TUT4: variants seen among roughly 807,000 people sequenced by gnomAD.
TUT4 encodes terminal uridylyltransferase 4.
In TUT4, 36 loss-of-function variants were observed where a neutral mutation model predicts 192.2. The observed-to-expected ratio is 0.19, with a 90% CI of 0.14 to 0.25. TUT4 has a LOEUF of 0.25. Among genes scored for constraint, TUT4 ranks in the 10% least tolerant of loss-of-function variants. The pLI is 1.00. For synonymous variants in TUT4, 618 were observed against 666.0 expected (o/e 0.93, Z 1.11); for missense variants, 1,493 against 1,957.2 (o/e 0.76, Z 4.47).
At chr1:52,476,449 T>C (rs1015649016) in intron 12 of TUT4, among the ~76,000 whole-genome samples, 6 of 152,102 alleles carry the variant, frequency 3.9e-5, no homozygotes, top group African/African-American at 1.4e-4. Context: ...GCCTTAAATA[T>C]AGATAACCCC....
intron 4 of TUT4, among the ~76,000 whole-genome samples, chr1:52,505,255 T>C (rs775931435): frequency 1.2e-4 from 18 of 152,104 alleles, no homozygotes; most frequent in Non-Finnish European, 2.4e-4. Flanking sequence ...ATGATAACTG[T>C]TAGTTTTTTG....
intron 19 of TUT4, among the ~76,000 whole-genome samples, chr1:52,459,027 G>C (rs532542515): frequency 6.6e-6 from 1 of 151,896 alleles, no homozygotes; most frequent in Non-Finnish European, 1.5e-5. Flanking sequence ...AAAAAAGAAC[G>C]AAGTCCCCTG....
At chr1:52,509,855 T>C in intron 3 of TUT4, 143 bp from the exon 4 acceptor site, 1 of 663,308 alleles carries the variant, frequency 1.5e-6, no homozygotes, top group Non-Finnish European at 2.7e-6. Flanking sequence ...TCTTCTAAAG[T>C]AATAGTTTTT....
chr1:52,446,518 A>G (rs989918718), intron 21 of TUT4, 72 bp downstream of exon 21: 6 of 1,538,588 alleles, frequency 3.9e-6, no homozygotes, highest in Non-Finnish European at 8.8e-7. Context: ...ATTTAAGTAA[A>G]ATTATTAAAT....
At chr1:52,504,908 T>C (rs935725607) in intron 4 of TUT4, among the ~76,000 whole-genome samples, 12 of 152,216 alleles carry the variant, frequency 7.9e-5, no homozygotes, top group Non-Finnish European at 1.8e-4. Context: ...AATGCAGAAT[T>C]TCCATCCTTT....
intron 9 of TUT4, among the ~76,000 whole-genome samples, chr1:52,484,948 A>G (rs1040293009): frequency 2.6e-5 from 4 of 152,034 alleles, no homozygotes; most frequent in Admixed American, 2.6e-4. Context: ...TCATTCTATC[A>G]TTTCATTTTT....
At chr1:52,541,081 C>T (rs1040123471) in intron 1 of TUT4, among the ~76,000 whole-genome samples, 2 of 152,038 alleles carry the variant, frequency 1.3e-5, no homozygotes, top group Admixed American at 6.6e-5. Flanking sequence ...TGGTGTACAC[C>T]TGTAATCTCA....
At chr1:52,484,587 T>G (rs1669331843) in intron 9 of TUT4, among the ~76,000 whole-genome samples, 1 of 152,242 alleles carries the variant, frequency 6.6e-6, no homozygotes, top group South Asian at 2.1e-4. Context: ...AATTTTCATT[T>G]AAGTAAAATT....
intron 14 of TUT4, among the ~76,000 whole-genome samples, chr1:52,471,735 G>GC (rs1665839081): frequency 6.6e-6 from 1 of 152,164 alleles, no homozygotes; most frequent in Non-Finnish European, 1.5e-5. Context: ...CATATTTTAA[G>GC]CTCCTTAAAA....
rs1213767578 is a variant in TUT4 at position 52,526,291 on chromosome 1, TC to T, written c.-12del. On this transcript the variant is annotated 5_prime_UTR_variant, in exon 2 of 30. Transcript: ENST00000257177. ...TTTAGACTCTTCCATTATTTGAAAA[TC>T]TGTTTCTTTCCAATTGTGATATTAT... The T allele has an allele frequency of 6.7e-7, 1 of 1,485,560 alleles. No homozygotes were observed. Among genetic ancestry groups the T allele is most frequent in the Non-Finnish European group, 8.9e-7 (1 of 1,127,158 alleles). The allele number at this position is 1,485,560 out of a possible 1,614,324, so 92.0% of individuals were successfully genotyped here. A position where few individuals can be genotyped will look rare whatever the true frequency, so the allele number is the denominator to read the frequency against.
chr1:52,551,067 G>C (rs958817756), intron 1 of TUT4, among the ~76,000 whole-genome samples: 2 of 152,098 alleles, frequency 1.3e-5, no homozygotes, highest in African/African-American at 4.8e-5. Context: ...TATACATTTT[G>C]ATTCTAAAAG....
intron 14 of TUT4, chr1:52,468,564 T>C (rs2148805268): frequency 4.1e-6 from 1 of 245,050 alleles, no homozygotes; most frequent in East Asian, 1.1e-4. Context: ...CAAACCTATT[T>C]ACTTCTTCAC....
intron 9 of TUT4, among the ~76,000 whole-genome samples, 199 bp downstream of exon 9, chr1:52,488,710 A>G (rs1424801322): frequency 6.6e-6 from 1 of 152,220 alleles, no homozygotes; most frequent in East Asian, 1.9e-4. Flanking sequence ...ATATATCCAT[A>G]AGTGTGTCTA....
intron 1 of TUT4, among the ~76,000 whole-genome samples, chr1:52,551,289 T>C (rs968295109): frequency 1.1e-4 from 17 of 152,232 alleles, no homozygotes; most frequent in African/African-American, 3.9e-4. Flanking sequence ...AAACATCAAA[T>C]GTCATTAACT....
chr1:52,484,131 T>C (rs1669195749), intron 9 of TUT4, among the ~76,000 whole-genome samples: 1 of 152,160 alleles, frequency 6.6e-6, no homozygotes, highest in South Asian at 2.1e-4. Flanking sequence ...GGAGGATCCC[T>C]TGAGCCCAGG....
At chr1:52,546,114 GGGAGACAGAGCCAGA>G (rs1399126546) in intron 1 of TUT4, among the ~76,000 whole-genome samples, 2 of 152,094 alleles carry the variant, frequency 1.3e-5, no homozygotes, top group East Asian at 3.9e-4. Context: ...ACTCCAGCTT[GGGAGACAGAGCCAGA>G]TCTTGTCTCA....
intron 1 of TUT4, among the ~76,000 whole-genome samples, chr1:52,539,404 G>T (rs1268343412): frequency 2.6e-5 from 4 of 152,266 alleles, no homozygotes; most frequent in African/African-American, 9.6e-5. Context: ...GACAATGACA[G>T]ATAAGAAATA....
intron 2 of TUT4, among the ~76,000 whole-genome samples, chr1:52,518,167 T>C (rs1452698612): frequency 2.0e-5 from 3 of 152,162 alleles, no homozygotes; most frequent in Non-Finnish European, 4.4e-5. Flanking sequence ...ATATTCACAA[T>C]AGCCAAAGAT....
At chr1:52,540,514 C>CA (rs541547657) in intron 1 of TUT4, among the ~76,000 whole-genome samples, 1,757 of 112,908 alleles carry the variant, frequency 0.016, 52 homozygotes, top group African/African-American at 0.045. Flanking sequence ...GACTCCGACT[C>CA]AAAAAAAAAA....
Sources: gnomAD v4.1 joint callset for allele counts (sites outside exome capture counted in the v4.1 genomes callset) on GRCh38, gnomAD v4.1.1 for gene constraint, MANE v1.5 for transcripts, NCBI Gene and HGNC (gene_info 2026-07-23, HGNC 2026-07-21) for gene names.